The following CERS6 variants were observed in gnomAD, a reference collection of about 807,000 sequenced individuals.
CERS6 encodes LAG1 homolog, ceramide synthase 6.
CERS6 carries 26 observed loss-of-function variants against 56.8 expected under a neutral mutation model. That is an observed-to-expected ratio of 0.46 (90% CI 0.34 to 0.63). The LOEUF (loss-of-function observed/expected upper bound fraction) is 0.63. Among genes scored for constraint, CERS6 ranks in the 30% least tolerant of loss-of-function variants. The probability of loss-of-function intolerance (pLI) is 0.01; values close to 1 mark genes in which losing one functional copy is unlikely to be tolerated. For missense variants in CERS6, 415 were observed against 467.5 expected (o/e 0.89, Z 1.04); for synonymous variants, 164 against 173.3 (o/e 0.95, Z 0.42).
intron 8 of CERS6, among the ~76,000 whole-genome samples, chr2:168,730,413 G>A (rs1441547601): frequency 2.6e-5 from 4 of 152,212 alleles, no homozygotes; most frequent in Non-Finnish European, 4.4e-5. Flanking sequence ...TGATGATTGC[G>A]TGTTGTATGT....
intron 3 of CERS6, among the ~76,000 whole-genome samples, chr2:168,582,527 G>T (rs1683441213): frequency 6.6e-6 from 1 of 152,008 alleles, no homozygotes; most frequent in Admixed American, 6.6e-5. Context: ...TCTGGGAAAG[G>T]AAGTATTAAT....
At chr2:168,595,199 T>C (rs1224725015) in intron 3 of CERS6, among the ~76,000 whole-genome samples, 1 of 152,194 alleles carries the variant, frequency 6.6e-6, no homozygotes, top group African/African-American at 2.4e-5. Flanking sequence ...TCTGTGGCTT[T>C]TACTGGGGGA....
At chr2:168,539,908 T>C (rs1338038289) in intron 1 of CERS6, among the ~76,000 whole-genome samples, 1 of 152,244 alleles carries the variant, frequency 6.6e-6, no homozygotes, top group Non-Finnish European at 1.5e-5. Context: ...CTGTTATTAA[T>C]TGGTTGTGAT....
rs187107166 is a variant in CERS6, at chr2:168,573,830, A to G, written c.407+12508A>G. ...GTGGTTTTGGCTTGTATCAGGTCCC[A>G]CTAAGTGATCTGAAGCCTGGGATAT... is the stretch of plus-strand genomic sequence containing the variant. On this transcript the variant is annotated intron_variant, in intron 3 of 9. Coordinates refer to ENST00000305747, the MANE Select transcript of CERS6 (RefSeq NM_203463.3). Among the ~76,000 whole-genome samples, 6 of 152,248 alleles carry G rather than the reference A, an allele frequency of 3.9e-5. No individual in the cohort carries two copies. In the East Asian group the frequency reaches 9.6e-4, roughly 24 times the overall value.
intron 4 of CERS6, among the ~76,000 whole-genome samples, chr2:168,660,239 T>TATAAGAATCTAATAAGATTCAA (rs1295675798): frequency 6.6e-6 from 1 of 152,148 alleles, no homozygotes; most frequent in Non-Finnish European, 1.5e-5. Context: ...ACCTTTCAAA[T>TATAAGAATCTAATAAGATTCAA]ATAAGAGAAT....
chr2:168,738,825 C>T lies in CERS6; in HGVS notation c.845+20847C>T, dbSNP rs1683795093. ...TTGGGCAGCCAGCTGTAACCCACAG[C>T]AGACAGCCAGAAGTGGTAAACAGCA... On this transcript the variant is annotated intron_variant, in intron 8 of 9. Transcript: ENST00000305747. Among the ~76,000 whole-genome samples, 3 of 152,132 alleles carry T rather than the reference C, an allele frequency of 2.0e-5. No homozygotes were observed. The South Asian group carries it at 6.2e-4, about 32-fold the overall frequency.
At chr2:168,538,083 G>A (rs1363484166) in intron 1 of CERS6, among the ~76,000 whole-genome samples, 2 of 152,000 alleles carry the variant, frequency 1.3e-5, no homozygotes, top group Non-Finnish European at 2.9e-5. Flanking sequence ...CTGGATAATT[G>A]CAGCAGCCTC....
At position 168,602,892 on chromosome 2, in the gene CERS6, A is replaced by G. The variant is rs565995955; in HGVS notation, c.408-28093A>G. On this transcript the variant is annotated intron_variant, in intron 3 of 9. Transcript: ENST00000305747. ...CCTGTAGTGCCATCATTTCAGGGAA[A>G]TTCTTTGGGGGCACTGATGGAGTCT... Among the ~76,000 whole-genome samples, 17 of 152,332 alleles carry G rather than the reference A, an allele frequency of 1.1e-4. No homozygotes were observed. The South Asian group carries it at 3.3e-3, about 30-fold the overall frequency.
chr2:168,739,956 C>T (rs1262446831), intron 8 of CERS6, among the ~76,000 whole-genome samples: 4 of 152,074 alleles, frequency 2.6e-5, no homozygotes, highest in African/African-American at 4.8e-5. Flanking sequence ...GTGACCCATC[C>T]GCCTCGGCCT....
intron 4 of CERS6, among the ~76,000 whole-genome samples, chr2:168,646,486 GTTGT>G (rs1365068673): frequency 1.3e-5 from 2 of 152,092 alleles, no homozygotes; most frequent in Non-Finnish European, 2.9e-5. Flanking sequence ...CATTCTATAG[GTTGT>G]TTGTTTACTC....
intron 4 of CERS6, among the ~76,000 whole-genome samples, chr2:168,651,286 A>C (rs548573111): frequency 5.3e-5 from 8 of 152,268 alleles, no homozygotes; most frequent in African/African-American, 1.7e-4. Context: ...TTAGTCACTA[A>C]AGAAGGATGA....
rs554672132 is a variant in CERS6, at chr2:168,649,219, C to T, written c.465+18177C>T. 2.6e-5 allele frequency among the ~76,000 whole-genome samples: 4 copies of T among 152,192 alleles called. No homozygotes were observed. In the East Asian group the frequency reaches 7.7e-4, roughly 29 times the overall value. On this transcript the variant is annotated intron_variant, in intron 4 of 9. Transcript: ENST00000305747. ...ATGTTTCATTGATCCTCTCCCTGGC[C>T]CTCCGAGGTCTGTGTTATTACTCCA...
intron 4 of CERS6, among the ~76,000 whole-genome samples, chr2:168,671,960 A>G (rs972047329): frequency 1.4e-4 from 22 of 152,158 alleles, no homozygotes; most frequent in Admixed American, 9.8e-4. Context: ...ATTTAACTCA[A>G]TGATGCATCT....
At chr2:168,560,663 A>C (rs1695771022) in intron 2 of CERS6, among the ~76,000 whole-genome samples, 2 of 152,188 alleles carry the variant, frequency 1.3e-5, no homozygotes, top group African/African-American at 4.8e-5. Context: ...AAGAAAGATA[A>C]ACTGTGTTTG....
chr2:168,555,869 T>G (rs1030951223), intron 2 of CERS6, among the ~76,000 whole-genome samples: 1 of 152,020 alleles, frequency 6.6e-6, no homozygotes, highest in Non-Finnish European at 1.5e-5. Flanking sequence ...TTATTGAACA[T>G]GTAGGTATAT....
At chr2:168,560,243 G>GC (rs1406211873) in intron 2 of CERS6, among the ~76,000 whole-genome samples, 5 of 152,166 alleles carry the variant, frequency 3.3e-5, no homozygotes, top group Admixed American at 3.3e-4. Context: ...GGAAAGATCT[G>GC]CCCCCATGAT....
At chr2:168,504,464 A>C (rs1694640392) in intron 1 of CERS6, among the ~76,000 whole-genome samples, 1 of 152,180 alleles carries the variant, frequency 6.6e-6, no homozygotes, top group Non-Finnish European at 1.5e-5. Flanking sequence ...AAATGTGAGA[A>C]AAACAAGTGA....
chr2:168,510,672 C>T (rs1004923292), intron 1 of CERS6, among the ~76,000 whole-genome samples: 1 of 152,128 alleles, frequency 6.6e-6, no homozygotes, highest in Non-Finnish European at 1.5e-5. Flanking sequence ...CATTTCCTTT[C>T]TTGTTCAGTG....
intron 6 of CERS6, among the ~76,000 whole-genome samples, chr2:168,699,593 C>A (rs1405309059): frequency 6.6e-6 from 1 of 151,990 alleles, no homozygotes; most frequent in East Asian, 1.9e-4. Flanking sequence ...TCTTTTTTGG[C>A]ACCTTTTTTT....
Sources: allele counts gnomAD v4.1 joint callset (sites outside exome capture counted in the v4.1 genomes callset), GRCh38; gene constraint gnomAD v4.1.1; transcripts MANE v1.5; gene names NCBI Gene and HGNC (gene_info 2026-07-23, HGNC 2026-07-21).